The following PTBP3 variants were observed in gnomAD, a reference collection of about 807,000 sequenced individuals.
PTBP3 encodes the protein polypyrimidine tract binding protein 3.
Under a neutral mutation model 58.7 loss-of-function variants are expected in PTBP3, and 20 were observed. The observed-to-expected ratio is 0.34, with a 90% CI of 0.24 to 0.50. PTBP3 has a LOEUF of 0.50. PTBP3 is among the 20% of genes least tolerant of loss of function. The pLI is 0.98. For synonymous variants in PTBP3, 185 were observed against 219.8 expected (o/e 0.84, Z 1.40); for missense variants, 509 against 637.2 (o/e 0.80, Z 2.17).
At chr9:112,334,782 T>G (rs893544111), upstream of PTBP3, among the ~76,000 whole-genome samples, 8 of 152,234 alleles carry the variant, frequency 5.3e-5, no homozygotes, top group African/African-American at 1.7e-4. Flanking sequence ...TGCCGGGCAC[T>G]GCATGAATAC....
At chr9:112,309,463 A>G (rs1204033266) in intron 1 of PTBP3, among the ~76,000 whole-genome samples, 1 of 152,102 alleles carries the variant, frequency 6.6e-6, no homozygotes, top group Non-Finnish European at 1.5e-5. Flanking sequence ...TTCATATATA[A>G]TCGATGTTCA....
At chr9:112,261,662 A>G (rs1377963123) in intron 5 of PTBP3, among the ~76,000 whole-genome samples, 2 of 152,222 alleles carry the variant, frequency 1.3e-5, no homozygotes, top group Admixed American at 6.5e-5. Flanking sequence ...TTTTGGGGCT[A>G]TATGTCAAAT....
At chr9:112,299,985 C>T (rs1042032554) in intron 1 of PTBP3, among the ~76,000 whole-genome samples, 2 of 152,144 alleles carry the variant, frequency 1.3e-5, no homozygotes, top group Non-Finnish European at 2.9e-5. Context: ...ATGACTAATA[C>T]CATATCCAAT....
At chr9:112,231,972 A>AGAGG (rs1564391418) in intron 9 of PTBP3, 127 bp downstream of exon 9, 21 of 337,326 alleles carry the variant, frequency 6.2e-5, no homozygotes, top group Non-Finnish European at 9.5e-5. Context: ...GAGAAGAGAG[A>AGAGG]AGAGAAGAGA....
chr9:112,348,848 A>G, the PTBP3 span, among the ~76,000 whole-genome samples: 2 of 152,200 alleles, frequency 1.3e-5, no homozygotes, highest in African/African-American at 2.4e-5. Flanking sequence ...TGACAACTAA[A>G]AAGGTCTCCA....
At chr9:112,372,337 C>G in the PTBP3 span, among the ~76,000 whole-genome samples, 2 of 152,132 alleles carry the variant, frequency 1.3e-5, no homozygotes, top group Non-Finnish European at 2.9e-5. Context: ...CCTTGGCCTC[C>G]TAAAGTGCTG....
chr9:112,364,285 A>C, the PTBP3 span, among the ~76,000 whole-genome samples: 1 of 149,946 alleles, frequency 6.7e-6, no homozygotes, highest in Non-Finnish European at 1.5e-5. Context: ...TCAAGAAGAC[A>C]AAAAAAAAGC....
chr9:112,257,865 G>A (rs1426511126), intron 5 of PTBP3, among the ~76,000 whole-genome samples: 3 of 151,640 alleles, frequency 2.0e-5, no homozygotes, highest in Non-Finnish European at 2.9e-5. Context: ...GCTTTAACCC[G>A]GGAGGCGGAG....
intron 2 of PTBP3, among the ~76,000 whole-genome samples, chr9:112,282,099 A>C (rs566189020): frequency 6.6e-6 from 1 of 152,160 alleles, no homozygotes; most frequent in Non-Finnish European, 1.5e-5. Context: ...ACCCACCTTC[A>C]TCATGTAATC....
chr9:112,261,913 C>T (rs911345129), intron 5 of PTBP3, among the ~76,000 whole-genome samples: 1 of 152,152 alleles, frequency 6.6e-6, no homozygotes, highest in South Asian at 2.1e-4. Context: ...TTCTTAAATT[C>T]TACATATTAC....
At chr9:112,224,382 G>A (rs1023973237) in intron 12 of PTBP3, among the ~76,000 whole-genome samples, 172 bp from the exon 13 acceptor site, 11 of 152,218 alleles carry the variant, frequency 7.2e-5, no homozygotes, top group Admixed American at 6.5e-4. Flanking sequence ...GACATGTATC[G>A]TCAAGCAATG....
intron 1 of PTBP3, among the ~76,000 whole-genome samples, chr9:112,309,836 AC>A (rs1829405631): frequency 6.6e-6 from 1 of 152,154 alleles, no homozygotes; most frequent in Non-Finnish European, 1.5e-5. Context: ...AAAGGAATAA[AC>A]AATAGTCAAT....
Position 112,220,271 on chromosome 9 carries a change from G to C in PTBP3, c.*3580C>G. The C allele has an allele frequency of 7.5e-7, 1 of 1,332,768 alleles. No homozygotes were observed. Among genetic ancestry groups the C allele is most frequent in the South Asian group, 1.2e-5 (1 of 84,466 alleles). The allele number at this position is 1,332,768 out of a possible 1,614,324, so 82.6% of individuals were successfully genotyped here. A position where few individuals can be genotyped will look rare whatever the true frequency, so the allele number is the denominator to read the frequency against. On this transcript the variant is annotated 3_prime_UTR_variant, in exon 14 of 14. Coordinates refer to ENST00000374257, the MANE Select transcript of PTBP3 (RefSeq NM_001163788.4). ...TGCTGACTGATGGCACGGAGACACT[G>C]AAAAGAACAGAGAGCCAGGCGTGGT...
chr9:112,333,610 G>T lies in PTBP3; in HGVS notation c.-192C>A, dbSNP rs1363353092. 7 of 1,071,900 alleles carry T rather than the reference G, an allele frequency of 6.5e-6. No homozygotes were observed. The highest frequency in any genetic ancestry group is 8.2e-6 in the Non-Finnish European group (6 of 733,556). 66.4% of individuals were successfully genotyped at this position (1,071,900 alleles called of 1,614,324 possible). On this transcript the variant is annotated 5_prime_UTR_variant, in exon 1 of 14. Coordinates refer to ENST00000374257, the MANE Select transcript of PTBP3 (RefSeq NM_001163788.4). The stretch of plus-strand genomic sequence containing the variant: ...GCGGAGCCCCGGCCGGTCCGAGGTG[G>T]AAGGAGAGTGGGAACAGGGGCGGGG...
the PTBP3 span, among the ~76,000 whole-genome samples, chr9:112,369,288 T>C: frequency 2.6e-4 from 40 of 152,290 alleles, 1 homozygote; most frequent in Middle Eastern, 3.4e-3. Context: ...GCTTGCACCA[T>C]GTACCTGGAA....
At chr9:112,325,247 G>A (rs926162050) in intron 1 of PTBP3, among the ~76,000 whole-genome samples, 2 of 152,176 alleles carry the variant, frequency 1.3e-5, no homozygotes, top group African/African-American at 2.4e-5. Flanking sequence ...TACGCCCACA[G>A]TGAAAAATTC....
At chr9:112,341,747 C>T in the PTBP3 span, among the ~76,000 whole-genome samples, 1 of 152,132 alleles carries the variant, frequency 6.6e-6, no homozygotes, top group Non-Finnish European at 1.5e-5. Context: ...TGTGAAGTGA[C>T]TCCAATAAGT....
At chr9:112,313,695 T>G (rs1373139298) in intron 1 of PTBP3, among the ~76,000 whole-genome samples, 1 of 152,204 alleles carries the variant, frequency 6.6e-6, no homozygotes, top group Admixed American at 6.5e-5. Context: ...GGCAGCTCAC[T>G]TTTATCAGAG....
At chr9:112,340,876 C>CA in the PTBP3 span, among the ~76,000 whole-genome samples, 4 of 30,056 alleles carry the variant, frequency 1.3e-4, no homozygotes, top group Non-Finnish European at 1.7e-4. Context: ...AACTCTGTCT[C>CA]AAAAAAAAAA....
Sources: gnomAD v4.1 joint callset for allele counts (sites outside exome capture counted in the v4.1 genomes callset) on GRCh38, gnomAD v4.1.1 for gene constraint, MANE v1.5 for transcripts, NCBI Gene and HGNC (gene_info 2026-07-23, HGNC 2026-07-21) for gene names.